Variants in KIAA1217 observed in about 807,000 individuals in gnomAD.
KIAA1217 encodes the protein sickle tail protein homolog.
KIAA1217 carries 88 observed loss-of-function variants against 163.9 expected under a neutral mutation model. The ratio of observed to expected loss-of-function variants is 0.54; its 90% CI spans 0.45 to 0.64. KIAA1217 has a LOEUF of 0.64. KIAA1217 is among the 30% of genes least tolerant of loss of function. The pLI is 0.00. For missense variants in KIAA1217, 2,372 were observed against 2,475.0 expected (o/e 0.96, Z 0.88); for synonymous variants, 903 against 923.1 (o/e 0.98, Z 0.39).
intron 2 of KIAA1217, among the ~76,000 whole-genome samples, chr10:24,300,636 C>T (rs1368624170): frequency 1.3e-5 from 2 of 151,678 alleles, no homozygotes; most frequent in Non-Finnish European, 1.5e-5. Flanking sequence ...GGCACGATCT[C>T]GACTCACTAC....
At position 24,010,208 on chromosome 10, in the gene KIAA1217, CA is replaced by C. The variant is rs59990523; in HGVS notation, c.-171+2845del. Among the ~76,000 whole-genome samples the C allele has an allele frequency of 3.3e-3, 466 of 140,310 alleles. 2 individuals are homozygous for C. The highest frequency in any genetic ancestry group is 9.9e-3 in the African/African-American group (382 of 38,590). 92.0% of individuals were successfully genotyped at this position (140,310 alleles called of 152,430 possible). A position where few individuals can be genotyped will look rare whatever the true frequency, so the allele number is the denominator to read the frequency against. On this transcript the variant is annotated intron_variant, in intron 2 of 18. Transcript: ENST00000376462. ...TTAAAAAAAATGACAGGGTAAAATG[CA>C]AAAAAAAAAAGTCAATGATTACAGT... is the stretch of plus-strand genomic sequence containing the variant.
At chr10:24,349,849 G>A (rs951482981) in intron 2 of KIAA1217, among the ~76,000 whole-genome samples, 1 of 152,170 alleles carries the variant, frequency 6.6e-6, no homozygotes, top group African/African-American at 2.4e-5. Flanking sequence ...GTATAATCAT[G>A]GTCAGCAGAA....
intron 2 of KIAA1217, among the ~76,000 whole-genome samples, chr10:24,070,731 T>G (rs1266071879): frequency 1.3e-5 from 2 of 152,210 alleles, no homozygotes; most frequent in African/African-American, 4.8e-5. Flanking sequence ...CAGTTTTTGC[T>G]AAAAGTGTTT....
chr10:24,135,242 C>T (rs568592398), intron 2 of KIAA1217, among the ~76,000 whole-genome samples: 2 of 152,284 alleles, frequency 1.3e-5, no homozygotes, highest in African/African-American at 4.8e-5. Context: ...AGTGATGGTC[C>T]CCGTCTCAGC....
intron 2 of KIAA1217, among the ~76,000 whole-genome samples, chr10:24,149,514 C>CAGCTTGTTCATAAACAGG (rs2064502341): frequency 6.6e-6 from 1 of 151,652 alleles, no homozygotes; most frequent in Admixed American, 6.6e-5. Flanking sequence ...AAAATAGAGT[C>CAGCTTGTTCATAAACAGG]AGCTTGTTCA....
intron 1 of KIAA1217, among the ~76,000 whole-genome samples, chr10:23,893,041 G>T (rs1841484177): frequency 6.6e-6 from 1 of 152,010 alleles, no homozygotes; most frequent in African/African-American, 2.4e-5. Flanking sequence ...TTTTTCTATT[G>T]ATTGGAATAG....
chr10:24,227,497 A>G (rs1353724052), intron 2 of KIAA1217, among the ~76,000 whole-genome samples: 2 of 150,608 alleles, frequency 1.3e-5, no homozygotes, highest in East Asian at 4.0e-4. Flanking sequence ...GGGGGCAAAA[A>G]TAAGGAGATA....
chr10:23,735,307 C>T (rs1200556087), intron 1 of KIAA1217, among the ~76,000 whole-genome samples: 1 of 152,018 alleles, frequency 6.6e-6, no homozygotes, highest in East Asian at 1.9e-4. Context: ...GATCTCAGCT[C>T]ACTGCAACCT....
chr10:24,138,486 T>C (rs149249400), intron 2 of KIAA1217, among the ~76,000 whole-genome samples: 5 of 152,314 alleles, frequency 3.3e-5, no homozygotes, highest in African/African-American at 1.2e-4. Context: ...ATTATGTATA[T>C]GATTAGACTT....
At chr10:24,286,200 C>A (rs1225441065) in intron 2 of KIAA1217, among the ~76,000 whole-genome samples, 1 of 151,992 alleles carries the variant, frequency 6.6e-6, no homozygotes, top group East Asian at 1.9e-4. Context: ...GGTGGTTGTT[C>A]AGATCTTTTG....
chr10:23,777,702 T>C (rs1234209258), intron 1 of KIAA1217, among the ~76,000 whole-genome samples: 4 of 151,156 alleles, frequency 2.6e-5, no homozygotes, highest in Non-Finnish European at 5.9e-5. Context: ...TAAAAAAAAA[T>C]AAAGATGCAT....
At chr10:23,864,072 GTTATTATTATTA>G (rs148144520) in intron 1 of KIAA1217, among the ~76,000 whole-genome samples, 11 of 149,210 alleles carry the variant, frequency 7.4e-5, no homozygotes, top group East Asian at 2.0e-4. Flanking sequence ...TTGTAAAGTA[GTTATTATTATTA>G]TTATTATTAT....
chr10:24,101,582 TAATG>T (rs1217531769), intron 2 of KIAA1217, among the ~76,000 whole-genome samples: 2 of 152,164 alleles, frequency 1.3e-5, no homozygotes, highest in Non-Finnish European at 2.9e-5. Context: ...TGGGAGCTAA[TAATG>T]AATTACATTG....
intron 1 of KIAA1217, among the ~76,000 whole-genome samples, chr10:23,757,994 A>G (rs543166065): frequency 6.6e-6 from 1 of 152,132 alleles, no homozygotes; most frequent in African/African-American, 2.4e-5. Flanking sequence ...ATTTTCTTTC[A>G]TTCTGTGGGT....
At chr10:24,523,024 G>A (rs954406359) in intron 12 of KIAA1217, among the ~76,000 whole-genome samples, 10 of 151,722 alleles carry the variant, frequency 6.6e-5, no homozygotes, top group Non-Finnish European at 1.3e-4. Flanking sequence ...GCAGTGGCAC[G>A]TGCTCGTAAT....
intron 2 of KIAA1217, among the ~76,000 whole-genome samples, chr10:24,022,747 G>A (rs546814735): frequency 5.9e-5 from 9 of 151,656 alleles, no homozygotes; most frequent in African/African-American, 2.2e-4. Flanking sequence ...AAACTGTAGT[G>A]CCTTCCTAAA....
At position 24,547,331 on chromosome 10, in the gene KIAA1217, C is replaced by T. The variant is rs568712287; in HGVS notation, c.*1007C>T. Reference sequence around the variant, plus strand: ...ATGCTTTAAAAGTATATATCGGGACCGGCAGAAATGGAAGTATCCATACAT... The same window carrying T: ...ATGCTTTAAAAGTATATATCGGGACTGGCAGAAATGGAAGTATCCATACAT... On this transcript the variant is annotated 3_prime_UTR_variant, in exon 21 of 21. Coordinates refer to ENST00000376454, the MANE Select transcript of KIAA1217 (RefSeq NM_019590.5). The T allele has an allele frequency of 1.3e-5, 2 of 152,394 alleles. No individual in the cohort carries two copies. Among genetic ancestry groups the T allele is most frequent in the African/African-American group, 2.4e-5 (1 of 41,356 alleles). 9.4% of individuals were successfully genotyped at this position (152,394 alleles called of 1,614,324 possible).
In KIAA1217 at chr10:23,999,012, C is replaced by G. The variant is rs184221254; in HGVS notation, c.-320-8213C>G. 3.9e-5 allele frequency among the ~76,000 whole-genome samples: 6 copies of G among 152,088 alleles called. No individual in the cohort carries two copies. In the South Asian group the frequency reaches 8.3e-4, roughly 21 times the overall value. On this transcript the variant is annotated intron_variant, in intron 1 of 18. Coordinates refer to the KIAA1217 transcript ENST00000376462. ...CAGACTAGATCTCTATCATTGGGAT[C>G]GCTTTATATTAATATTTCTGAAAAT...
chr10:24,230,144 T>A (rs1392523364), intron 2 of KIAA1217, among the ~76,000 whole-genome samples: 1 of 152,206 alleles, frequency 6.6e-6, no homozygotes, highest in Admixed American at 6.5e-5. Context: ...TGGAAAAGAC[T>A]GTAAGGAGAA....
Sources: gnomAD v4.1 joint callset for allele counts (sites outside exome capture counted in the v4.1 genomes callset) on GRCh38, gnomAD v4.1.1 for gene constraint, MANE v1.5 for transcripts, NCBI Gene and HGNC (gene_info 2026-07-23, HGNC 2026-07-21) for gene names.